Variants in IGSF21 observed in about 807,000 individuals in gnomAD.
The protein encoded by IGSF21 is immunoglobin superfamily member 21, also known as immunoglobulin superfamily member 21.
IGSF21 carries 28 observed loss-of-function variants against 46.8 expected under a neutral mutation model. That is an observed-to-expected ratio of 0.60 (90% CI 0.44 to 0.82). The LOEUF is 0.82. Among genes scored for constraint, IGSF21 ranks in the 40% least tolerant of loss-of-function variants. IGSF21 has a pLI of 0.00. For missense variants in IGSF21, 624 were observed against 665.5 expected (o/e 0.94, Z 0.69); for synonymous variants, 284 against 273.6 (o/e 1.04, Z -0.38).
intron 2 of IGSF21, 143 bp from the exon 3 acceptor site, chr1:18,291,723 A>G: frequency 1.0e-6 from 1 of 966,912 alleles, no homozygotes; most frequent in Non-Finnish European, 1.5e-6. Context: ...GCCTCCAGGA[A>G]GCCCTCGGTT....
Position 18,115,834 on chromosome 1 carries a change from GAAGGAAGGAAGAAAGAAAGAAAGA to G in IGSF21, c.70+7640_70+7663del, listed in dbSNP as rs1184797864. 48 of 92,936 alleles carry G rather than the reference GAAGGAAGGAAGAAAGAAAGAAAGA, an allele frequency of 5.2e-4. 1 individual carries two copies. The highest frequency in any genetic ancestry group is 2.0e-3 in the African/African-American group (43 of 21,202). 5.8% of individuals were successfully genotyped at this position (92,936 alleles called of 1,614,324 possible). A position where few individuals can be genotyped will look rare whatever the true frequency, so the allele number is the denominator to read the frequency against. On this transcript the variant is annotated intron_variant, in intron 1 of 9. Transcript: ENST00000251296. ...GGGAGGAAGACAGGAAGGAAGGAAG[GAAGGAAGGAAGAAAGAAAGAAAGA>G]AAGAAAGAAAGAAAGAAAGAAAGAA...
chr1:18,365,830 G>A lies in IGSF21; in HGVS notation c.1015+133G>A, dbSNP rs2086159909. On this transcript the variant is annotated intron_variant, in intron 6 of 9. Transcript: ENST00000251296. This position sits in a 1 kb window ranked among gnomAD's most constrained non-coding sequence, Gnocchi z 4.8. Reference sequence around the variant, plus strand: ...ATGGAGCAAACTGGAGTCAGGATGAGCACAAATGGTAGAGTCAGGTTCTTA... The same window carrying A: ...ATGGAGCAAACTGGAGTCAGGATGAACACAAATGGTAGAGTCAGGTTCTTA... 2 of 730,404 alleles carry A rather than the reference G, an allele frequency of 2.7e-6. No homozygotes were observed. Among genetic ancestry groups the A allele is most frequent in the South Asian group, 1.9e-5 (1 of 52,970 alleles). The allele number at this position is 730,404 out of a possible 1,614,324, so 45.2% of individuals were successfully genotyped here.
At chr1:18,225,530 A>G (rs956361496) in intron 1 of IGSF21, among the ~76,000 whole-genome samples, 1 of 152,176 alleles carries the variant, frequency 6.6e-6, no homozygotes, top group African/African-American at 2.4e-5. Context: ...TCAAAGATTT[A>G]TGCATCTGAG....
chr1:18,253,226 G>T (rs1023776881), intron 2 of IGSF21, among the ~76,000 whole-genome samples: 1 of 127,794 alleles, frequency 7.8e-6, no homozygotes, highest in Non-Finnish European at 1.8e-5. Flanking sequence ...GATACACTAT[G>T]CATCCTTGGC....
chr1:18,268,021 T>C (rs2085006405), intron 2 of IGSF21, among the ~76,000 whole-genome samples: 2 of 152,216 alleles, frequency 1.3e-5, no homozygotes, highest in African/African-American at 4.8e-5. Context: ...AGGACAGGGA[T>C]CTTCGTCTGT....
chr1:18,265,719 C>T (rs1280339905), intron 2 of IGSF21, among the ~76,000 whole-genome samples: 1 of 152,232 alleles, frequency 6.6e-6, no homozygotes, highest in Non-Finnish European at 1.5e-5. Flanking sequence ...TGTGGCACTG[C>T]TGGCTGAATT....
intron 3 of IGSF21, among the ~76,000 whole-genome samples, chr1:18,308,004 A>G (rs1001766341): frequency 1.3e-5 from 2 of 152,166 alleles, no homozygotes; most frequent in Non-Finnish European, 1.5e-5. Context: ...CGCATCATAG[A>G]TGACCCTCCC....
chr1:18,151,507 C>T (rs1156586662), intron 1 of IGSF21, among the ~76,000 whole-genome samples: 1 of 152,152 alleles, frequency 6.6e-6, no homozygotes, highest in Non-Finnish European at 1.5e-5. Context: ...GTGGCATATA[C>T]CATCGACATC....
At chr1:18,186,376 G>C (rs1446279133) in intron 1 of IGSF21, among the ~76,000 whole-genome samples, 1 of 152,074 alleles carries the variant, frequency 6.6e-6, no homozygotes, top group Non-Finnish European at 1.5e-5. Flanking sequence ...GAAGAAGATG[G>C]ATACCATCTG....
At chr1:18,372,856 GGATGGATGGGTGGA>G (rs1172860573) in intron 6 of IGSF21, among the ~76,000 whole-genome samples, 2,070 of 94,150 alleles carry the variant, frequency 0.022, 42 homozygotes, top group African/African-American at 0.094. Flanking sequence ...ATGGATGGAT[GGATGGATGGGTGGA>G]TGGATGGATG....
intron 3 of IGSF21, among the ~76,000 whole-genome samples, chr1:18,308,838 G>A (rs1435489749): frequency 6.6e-6 from 1 of 152,150 alleles, no homozygotes; most frequent in Non-Finnish European, 1.5e-5. Flanking sequence ...CAGGACCTAT[G>A]CAGCCTGCAG....
intron 4 of IGSF21, among the ~76,000 whole-genome samples, chr1:18,357,665 A>C (rs974356217): frequency 1.2e-4 from 19 of 152,114 alleles, no homozygotes; most frequent in Admixed American, 1.3e-4. Context: ...AAAAATAGAA[A>C]AGAAGAGGGC....
intron 1 of IGSF21, among the ~76,000 whole-genome samples, chr1:18,191,518 G>C (rs773279937): frequency 6.6e-6 from 1 of 152,086 alleles, no homozygotes; most frequent in Non-Finnish European, 1.5e-5. Flanking sequence ...TTGAAATAGA[G>C]AGGGCATTCC....
intron 2 of IGSF21, among the ~76,000 whole-genome samples, chr1:18,262,814 C>T (rs2124538245): frequency 6.6e-6 from 1 of 152,222 alleles, no homozygotes; most frequent in East Asian, 1.9e-4. Context: ...AGAGACCTGG[C>T]CTCAAGGGGC....
chr1:18,306,034 T>A (rs1254587633), intron 3 of IGSF21, among the ~76,000 whole-genome samples: 1 of 152,208 alleles, frequency 6.6e-6, no homozygotes, highest in Non-Finnish European at 1.5e-5. Context: ...CCTGAGTTTC[T>A]TCTACACCCA....
rs2085393409 is a variant in IGSF21, at chr1:18,304,655, CTA to C, written c.305+12670_305+12671del. Among the ~76,000 whole-genome samples the C allele has an allele frequency of 3.3e-5, 5 of 152,138 alleles. No homozygotes were observed. The South Asian group carries it at 1.0e-3, about 32-fold the overall frequency. The stretch of plus-strand genomic sequence containing the variant: ...GAATTGCTGATATGGCAAATCATTT[CTA>C]TGTCTGCAGTCAGGAAACCAGAGCT... On this transcript the variant is annotated intron_variant, in intron 3 of 9. Coordinates refer to ENST00000251296, the MANE Select transcript of IGSF21 (RefSeq NM_032880.5).
At chr1:18,317,898 A>G (rs541972648) in intron 3 of IGSF21, among the ~76,000 whole-genome samples, 11 of 152,314 alleles carry the variant, frequency 7.2e-5, no homozygotes, top group African/African-American at 2.6e-4. Flanking sequence ...AGGTGAGGAG[A>G]TGGAGACACA....
chr1:18,161,039 G>C (rs945759910), intron 1 of IGSF21, among the ~76,000 whole-genome samples: 2 of 152,104 alleles, frequency 1.3e-5, no homozygotes, highest in African/African-American at 4.8e-5. Flanking sequence ...GTTCCTGCTG[G>C]GGCCTGGCCA....
At chr1:18,271,983 C>T (rs561633750) in intron 2 of IGSF21, among the ~76,000 whole-genome samples, 1 of 152,262 alleles carries the variant, frequency 6.6e-6, no homozygotes, top group South Asian at 2.1e-4. Context: ...AGTCCATTTT[C>T]ATGCTGCCGA....
Sources: allele counts gnomAD v4.1 joint callset (sites outside exome capture counted in the v4.1 genomes callset), GRCh38; gene constraint gnomAD v4.1.1; non-coding constraint Gnocchi (gnomAD v3.1); transcripts MANE v1.5; gene names NCBI Gene and HGNC (gene_info 2026-07-23, HGNC 2026-07-21).